The following LRMDA variants were observed in gnomAD, a reference collection of about 807,000 sequenced individuals.
LRMDA encodes leucine rich melanocyte differentiation associated, also known as leucine-rich melanocyte differentiation-associated protein.
Under a neutral mutation model 29.8 loss-of-function variants are expected in LRMDA, and 18 were observed. The observed-to-expected ratio is 0.60, with a 90% CI of 0.42 to 0.90. The LOEUF is 0.90. LRMDA is among the 40% of genes least tolerant of loss of function. LRMDA has a pLI of 0.00. For missense variants in LRMDA, 273 were observed against 273.9 expected, an observed-to-expected ratio of 1.00 and a Z score of 0.02; for synonymous variants, 125 against 109.4, an observed-to-expected ratio of 1.14 and a Z score of -0.89.
chr10:76,550,667 T>G (rs749423101), intron 6 of LRMDA, among the ~76,000 whole-genome samples: 3 of 151,910 alleles, frequency 2.0e-5, no homozygotes, highest in Non-Finnish European at 4.4e-5. Flanking sequence ...TTCTCCACCC[T>G]CCCCTGGGTA....
At chr10:75,467,294 A>T (rs1255246488) in intron 2 of LRMDA, among the ~76,000 whole-genome samples, 1 of 152,184 alleles carries the variant, frequency 6.6e-6, no homozygotes, top group Non-Finnish European at 1.5e-5. Flanking sequence ...AGTTGCAGCC[A>T]AGGCTTGGCT....
intron 5 of LRMDA, among the ~76,000 whole-genome samples, chr10:76,322,831 G>A (rs1298833865): frequency 6.6e-6 from 1 of 152,072 alleles, no homozygotes; most frequent in Non-Finnish European, 1.5e-5. Flanking sequence ...GATGACCCCT[G>A]TACCCTCACC....
intron 5 of LRMDA, among the ~76,000 whole-genome samples, chr10:76,062,819 C>T (rs1374354744): frequency 6.6e-6 from 1 of 151,894 alleles, no homozygotes; most frequent in African/African-American, 2.4e-5. Flanking sequence ...CAGAGAACAC[C>T]ACACTGGATA....
intron 5 of LRMDA, among the ~76,000 whole-genome samples, chr10:76,145,559 C>G (rs192232440): frequency 6.6e-6 from 1 of 151,838 alleles, no homozygotes; most frequent in South Asian, 2.1e-4. Flanking sequence ...TTTTTTATTG[C>G]GTCTATTTGA....
chr10:76,360,051 A>G (rs752564501), intron 6 of LRMDA, among the ~76,000 whole-genome samples: 3 of 151,886 alleles, frequency 2.0e-5, no homozygotes, highest in Non-Finnish European at 4.4e-5. Context: ...CTGGAGTGCA[A>G]TCACACGATC....
intron 2 of LRMDA, among the ~76,000 whole-genome samples, chr10:75,776,670 CCTGT>C (rs1843315896): frequency 6.6e-6 from 1 of 152,084 alleles, no homozygotes; most frequent in African/African-American, 2.4e-5. Flanking sequence ...TACATTTTAC[CCTGT>C]CTTAGAGAGA....
chr10:76,441,382 C>T (rs543918221), intron 6 of LRMDA, among the ~76,000 whole-genome samples: 2 of 152,218 alleles, frequency 1.3e-5, no homozygotes, highest in African/African-American at 4.8e-5. Context: ...ATCTGTGAAA[C>T]CTCGAGAAAA....
chr10:75,905,626 G>T (rs1454687601), intron 2 of LRMDA, among the ~76,000 whole-genome samples: 1 of 151,528 alleles, frequency 6.6e-6, no homozygotes, highest in Non-Finnish European at 1.5e-5. Flanking sequence ...AGCCTTTTTT[G>T]AGTCAGTCTA....
intron 6 of LRMDA, among the ~76,000 whole-genome samples, chr10:76,494,992 A>T (rs916517282): frequency 1.3e-5 from 2 of 151,772 alleles, no homozygotes; most frequent in Admixed American, 1.3e-4. Context: ...CATATAGCAA[A>T]TTTTTAAAAA....
chr10:76,350,999 G>A (rs1003198479), intron 6 of LRMDA, among the ~76,000 whole-genome samples: 1 of 152,060 alleles, frequency 6.6e-6, no homozygotes, highest in African/African-American at 2.4e-5. Context: ...GTCTGGCAAA[G>A]CTTTATTTAA....
chr10:75,605,806 A>T (rs1405961908), intron 2 of LRMDA, among the ~76,000 whole-genome samples: 1 of 152,198 alleles, frequency 6.6e-6, no homozygotes, highest in African/African-American at 2.4e-5. Flanking sequence ...GAGTGATGGC[A>T]GCGGCTGGGA....
intron 5 of LRMDA, among the ~76,000 whole-genome samples, chr10:76,105,530 G>A (rs556224265): frequency 6.6e-6 from 1 of 152,224 alleles, no homozygotes; most frequent in East Asian, 1.9e-4. Flanking sequence ...TAATAGAAGA[G>A]ACAGGGAAAC....
At chr10:76,110,081 T>C (rs1277061783) in intron 5 of LRMDA, among the ~76,000 whole-genome samples, 1 of 152,200 alleles carries the variant, frequency 6.6e-6, no homozygotes, top group Non-Finnish European at 1.5e-5. Flanking sequence ...TATTTGCCTC[T>C]GCCTTCTTGA....
intron 6 of LRMDA, among the ~76,000 whole-genome samples, chr10:76,412,360 CTGATGTAAGA>C (rs1224493447): frequency 1.3e-5 from 2 of 152,174 alleles, no homozygotes; most frequent in Non-Finnish European, 2.9e-5. Flanking sequence ...GTGGACTCTT[CTGATGTAAGA>C]CTTCAGAAAG....
At chr10:76,318,107 T>A in intron 5 of LRMDA, among the ~76,000 whole-genome samples, 1 of 152,214 alleles carries the variant, frequency 6.6e-6, no homozygotes, top group South Asian at 2.1e-4. Context: ...TGTCTTCTGT[T>A]ATATAAGTGT....
At chr10:75,561,658 G>C (rs1173546573) in intron 2 of LRMDA, among the ~76,000 whole-genome samples, 3 of 150,618 alleles carry the variant, frequency 2.0e-5, no homozygotes, top group Non-Finnish European at 4.4e-5. Flanking sequence ...GCTTTCTCTT[G>C]TGGGCATTTA....
At chr10:75,785,576 G>T (rs766334072) in intron 2 of LRMDA, among the ~76,000 whole-genome samples, 1 of 152,162 alleles carries the variant, frequency 6.6e-6, no homozygotes, top group Non-Finnish European at 1.5e-5. Context: ...TGTTAGATTC[G>T]TTCCTGATTC....
At chr10:75,685,903 C>G (rs1161013778) in intron 2 of LRMDA, among the ~76,000 whole-genome samples, 1 of 152,112 alleles carries the variant, frequency 6.6e-6, no homozygotes. Context: ...GACTATATGC[C>G]AGCTACAGTT....
Position 75,605,408 on chromosome 10 carries a change from C to T in LRMDA, c.131+166914C>T, listed in dbSNP as rs907699938. 2.1e-4 allele frequency among the ~76,000 whole-genome samples: 32 copies of T among 152,138 alleles called. 1 individual carries two copies. The highest frequency in any genetic ancestry group is 2.1e-3 in the Admixed American group (32 of 15,258). On this transcript the variant is annotated intron_variant, in intron 2 of 6. Coordinates refer to ENST00000611255, the MANE Select transcript of LRMDA (RefSeq NM_001305581.2). ...CCATCTGGATATGTTCCAAAATTTC[C>T]CGTGTTTGCCCCAAGCAGAGAATCG... is the stretch of plus-strand genomic sequence containing the variant.
Sources: gnomAD v4.1 joint callset for allele counts (sites outside exome capture counted in the v4.1 genomes callset) on GRCh38, gnomAD v4.1.1 for gene constraint, MANE v1.5 for transcripts, NCBI Gene and HGNC (gene_info 2026-07-23, HGNC 2026-07-21) for gene names.